The following TOP1MT variants were observed in gnomAD, a reference collection of about 807,000 sequenced individuals.
TOP1MT encodes DNA topoisomerase I mitochondrial.
Under a neutral mutation model 73.9 loss-of-function variants are expected in TOP1MT, and 80 were observed. The observed-to-expected ratio is 1.08, with a 90% CI of 0.90 to 1.30. The LOEUF is 1.30. Ranked by LOEUF, TOP1MT falls within the 50% of genes most tolerant of loss-of-function variation. The probability of loss-of-function intolerance (pLI) is 0.00; values close to 1 mark genes in which losing one functional copy is unlikely to be tolerated. For synonymous variants in TOP1MT, 338 were observed against 326.4 expected, an observed-to-expected ratio of 1.04 and a Z score of -0.38; for missense variants, 815 against 808.0, an observed-to-expected ratio of 1.01 and a Z score of -0.10.
chr8:143,313,764 A>G (rs1451969473), intron 12 of TOP1MT, among the ~76,000 whole-genome samples: 1 of 151,394 alleles, frequency 6.6e-6, no homozygotes, highest in Admixed American at 6.6e-5. Flanking sequence ...CTGAGGCAGG[A>G]GAATTGCTTG....
Position 143,324,638 on chromosome 8 carries a change from G to A in TOP1MT, c.672-9C>T, listed in dbSNP as rs773595704. ...CGGGGATCTTCGAGTCCCTGCAGCA[G>A]AACAACGACCCAAACATAACTTGGA... On this transcript the variant is annotated splice_polypyrimidine_tract_variant and intron_variant, in intron 5 of 13. Transcript: ENST00000329245. 5.6e-6 allele frequency: 9 copies of A among 1,611,702 alleles called. No homozygotes were observed. The South Asian group carries it at 8.8e-5, about 16-fold the overall frequency.
At chr8:143,334,628 G>A (rs1370307274) in intron 1 of TOP1MT, 112 bp downstream of exon 1, 8 of 1,476,702 alleles carry the variant, frequency 5.4e-6, no homozygotes, top group Non-Finnish European at 7.2e-6. Flanking sequence ...CCGACTTTTG[G>A]GAAAACCGGA....
upstream of TOP1MT, among the ~76,000 whole-genome samples, chr8:143,349,022 C>T (rs897782879): frequency 6.6e-6 from 1 of 152,118 alleles, no homozygotes; most frequent in African/African-American, 2.4e-5. Context: ...GGCAGAACCG[C>T]GGTCTCCAGG....
intron 12 of TOP1MT, among the ~76,000 whole-genome samples, chr8:143,313,632 T>A (rs529097397): frequency 5.3e-5 from 8 of 150,654 alleles, no homozygotes; most frequent in Non-Finnish European, 1.2e-4. Context: ...GACAGGCAGA[T>A]TGCCTGAGCT....
At chr8:143,331,648 G>A in intron 1 of TOP1MT, 1 of 278,220 alleles carries the variant, frequency 3.6e-6, no homozygotes, top group South Asian at 9.7e-5. Context: ...CCTCTCCCAG[G>A]CTCTAGGGCC....
intron 3 of TOP1MT, chr8:143,327,800 G>A: frequency 2.4e-6 from 1 of 421,544 alleles, no homozygotes; most frequent in Non-Finnish European, 4.7e-6. Flanking sequence ...CCTGCACAGG[G>A]GACAAGGAAG....
chr8:143,309,440 G>A lies in TOP1MT; in HGVS notation c.*1C>T, dbSNP rs754196702. 54 of 1,613,176 alleles carry A rather than the reference G, an allele frequency of 3.3e-5. No homozygotes were observed. The highest frequency in any genetic ancestry group is 1.6e-4 in the Middle Eastern group (1 of 6,080). On this transcript the variant is annotated 3_prime_UTR_variant, in exon 14 of 14. Transcript: ENST00000329245. ...AAAAGAAGTTTCAACACGGCTCGTC[G>A]TTAGAATTCAAAGTCTTCTCCTGCC...
In TOP1MT at chr8:143,341,257, C is replaced by T. The variant is rs1480628364; in HGVS notation, c.29+1963G>A. Among the ~76,000 whole-genome samples, 1 of 152,192 alleles carries T rather than the reference C, an allele frequency of 6.6e-6. No homozygotes were observed. The highest frequency in any genetic ancestry group is 1.9e-4 in the East Asian group (1 of 5,186). The stretch of plus-strand genomic sequence containing the variant: ...AGTTTGTGCCTCTCTTCCACACAGC[C>T]CTTGCCCCGGCCAGTGTCTGTGAGC... On this transcript the variant is annotated intron_variant, in intron 2 of 5. Coordinates refer to the TOP1MT transcript ENST00000518007. The surrounding 1 kb of genome is among the most constrained non-coding windows in gnomAD (Gnocchi z 4.1).
intron 1 of TOP1MT, 70 bp from the exon 2 acceptor site, chr8:143,331,409 AGTGGCTCCTCCCT>A: frequency 3.0e-6 from 4 of 1,345,522 alleles, no homozygotes; most frequent in Non-Finnish European, 4.2e-6. Flanking sequence ...CCGCTCCCAC[AGTGGCTCCTCCCT>A]GTGGCTCCTA....
intron 6 of TOP1MT, 66 bp from the exon 7 acceptor site, chr8:143,324,208 A>G (rs979478167): frequency 1.3e-6 from 2 of 1,588,148 alleles, no homozygotes; most frequent in African/African-American, 2.7e-5. Flanking sequence ...GGAGGCTGTC[A>G]ACTCTCCCTC....
At chr8:143,313,665 G>A (rs1189590672) in intron 12 of TOP1MT, among the ~76,000 whole-genome samples, 1 of 151,446 alleles carries the variant, frequency 6.6e-6, no homozygotes, top group Non-Finnish European at 1.5e-5. Flanking sequence ...ACCAGCCTGG[G>A]CAACATGGTG....
At chr8:143,323,121 C>G (rs1563760832) in intron 7 of TOP1MT, among the ~76,000 whole-genome samples, 2 of 140,124 alleles carry the variant, frequency 1.4e-5, no homozygotes, top group African/African-American at 5.6e-5. Context: ...CACATGCACG[C>G]CACACACACA....
In TOP1MT at chr8:143,318,204, G is replaced by A. The variant is rs376944317; in HGVS notation, c.1147-118C>T. 1,959 of 833,986 alleles carry A rather than the reference G, an allele frequency of 2.3e-3. 9 individuals carry two copies. Among genetic ancestry groups the A allele is most frequent in the Middle Eastern group, 0.015 (48 of 3,150 alleles). 51.7% of individuals were successfully genotyped at this position (833,986 alleles called of 1,614,324 possible). A position where few individuals can be genotyped will look rare whatever the true frequency, so the allele number is the denominator to read the frequency against. On this transcript the variant is annotated intron_variant, in intron 8 of 13. Coordinates refer to ENST00000329245, the MANE Select transcript of TOP1MT (RefSeq NM_052963.3). ...GAGGCTTCCCTGAGGAAGGTGGCCC[G>A]AGCAGCATCACCGTCACCTGTCGGC...
At position 143,325,679 on chromosome 8, in the gene TOP1MT, G is replaced by C. The variant is rs372077707; in HGVS notation, c.484-146C>G. 31 of 768,104 alleles carry C rather than the reference G, an allele frequency of 4.0e-5. No homozygotes were observed. The East Asian group carries it at 4.8e-4, about 12-fold the overall frequency. 47.6% of individuals were successfully genotyped at this position (768,104 alleles called of 1,614,324 possible). On this transcript the variant is annotated intron_variant, in intron 4 of 13. Coordinates refer to ENST00000329245, the MANE Select transcript of TOP1MT (RefSeq NM_052963.3). ...CCCTTCACAATCCATGGAGGTTGCAGGGGCAGGGGACAGTGCAGGTGGGCT... is the reference window on the plus strand; with the variant it reads ...CCCTTCACAATCCATGGAGGTTGCACGGGCAGGGGACAGTGCAGGTGGGCT...
At chr8:143,335,803 C>T (rs1347491031), upstream of TOP1MT, among the ~76,000 whole-genome samples, 2 of 152,368 alleles carry the variant, frequency 1.3e-5, no homozygotes, top group South Asian at 2.1e-4. Context: ...TGCCACCGCA[C>T]GCCCTCAGCG....
At chr8:143,340,286 C>A (rs1223176070) in intron 2 of TOP1MT, among the ~76,000 whole-genome samples, 2 of 104,712 alleles carry the variant, frequency 1.9e-5, no homozygotes, top group African/African-American at 3.4e-5. Context: ...AGCATTCCCC[C>A]CTCCCAGCAC....
At chr8:143,326,411 T>C (rs1586766365) in intron 3 of TOP1MT, 67 bp from the exon 4 acceptor site, 3 of 1,596,236 alleles carry the variant, frequency 1.9e-6, no homozygotes, top group South Asian at 1.1e-5. Flanking sequence ...GCTCTCGCCA[T>C]GTCTGACGGA....
upstream of TOP1MT, among the ~76,000 whole-genome samples, chr8:143,348,908 C>G (rs1817275394): frequency 6.6e-6 from 1 of 152,200 alleles, no homozygotes; most frequent in Non-Finnish European, 1.5e-5. This position sits in a 1 kb window ranked among gnomAD's most constrained non-coding sequence, Gnocchi z 4.6. Context: ...TCACCCTAAG[C>G]TGAGAATCCT....
intron 7 of TOP1MT, among the ~76,000 whole-genome samples, chr8:143,322,864 A>T: frequency 1.0e-5 from 1 of 97,254 alleles, no homozygotes; most frequent in African/African-American, 4.5e-5. Flanking sequence ...ACACACACGC[A>T]CGCCACACGC....
Sources: allele counts gnomAD v4.1 joint callset (sites outside exome capture counted in the v4.1 genomes callset), GRCh38; gene constraint gnomAD v4.1.1; non-coding constraint Gnocchi (gnomAD v3.1); transcripts MANE v1.5; gene names NCBI Gene and HGNC (gene_info 2026-07-23, HGNC 2026-07-21).